The following SGCZ variants were observed in gnomAD, a reference collection of about 807,000 sequenced individuals.
The protein encoded by SGCZ is zeta-sarcoglycan.
SGCZ carries 40 observed loss-of-function variants against 41.3 expected under a neutral mutation model. The observed-to-expected ratio is 0.97, with a 90% CI of 0.75 to 1.26. The LOEUF is 1.26. Ranked by LOEUF, SGCZ falls within the 50% of genes most tolerant of loss-of-function variation. The pLI is 0.00. For synonymous variants in SGCZ, 206 were observed against 137.5 expected (o/e 1.50, Z -3.49); for missense variants, 552 against 369.8 (o/e 1.49, Z -4.04).
chr8:14,623,359 A>C (rs896841754), intron 1 of SGCZ, among the ~76,000 whole-genome samples: 5 of 152,222 alleles, frequency 3.3e-5, no homozygotes, highest in Non-Finnish European at 5.9e-5. Flanking sequence ...TTGTAATTAA[A>C]AGGAACATCT....
intron 2 of SGCZ, among the ~76,000 whole-genome samples, chr8:14,384,165 T>A (rs955567913): frequency 1.3e-5 from 2 of 152,008 alleles, no homozygotes; most frequent in Admixed American, 1.3e-4. Flanking sequence ...CCTTCCTGTG[T>A]CCATGTGTTC....
At chr8:14,592,612 A>T (rs947455644) in intron 1 of SGCZ, among the ~76,000 whole-genome samples, 4 of 152,114 alleles carry the variant, frequency 2.6e-5, no homozygotes, top group Non-Finnish European at 4.4e-5. Flanking sequence ...AAATCTGTAA[A>T]ACCAAACAAA....
intron 1 of SGCZ, among the ~76,000 whole-genome samples, chr8:15,101,833 G>A (rs1440069043): frequency 6.6e-6 from 1 of 152,340 alleles, no homozygotes; most frequent in South Asian, 2.1e-4. Flanking sequence ...GCTGAAGCAG[G>A]AGAATTGCTT....
chr8:14,105,134 T>A (rs2116991801), intron 6 of SGCZ, among the ~76,000 whole-genome samples: 1 of 152,204 alleles, frequency 6.6e-6, no homozygotes, highest in East Asian at 1.9e-4. Flanking sequence ...TTTAGCCTTT[T>A]AAAATATAGA....
intron 1 of SGCZ, among the ~76,000 whole-genome samples, chr8:14,835,323 T>G (rs1274491312): frequency 2.0e-5 from 3 of 152,244 alleles, no homozygotes; most frequent in Non-Finnish European, 4.4e-5. Flanking sequence ...AATATTTTTC[T>G]GTAGTTATAC....
intron 2 of SGCZ, among the ~76,000 whole-genome samples, chr8:14,545,390 A>G (rs1315169317): frequency 6.8e-6 from 1 of 147,766 alleles, no homozygotes; most frequent in Non-Finnish European, 1.5e-5. Flanking sequence ...TATTTCAATT[A>G]TACTTTTGAA....
chr8:14,608,838 G>C (rs1805837607), intron 1 of SGCZ, among the ~76,000 whole-genome samples: 1 of 151,796 alleles, frequency 6.6e-6, no homozygotes. Flanking sequence ...ATCATTTTAA[G>C]CTTTTGAAAA....
At chr8:14,877,276 G>A (rs1804400162) in intron 1 of SGCZ, among the ~76,000 whole-genome samples, 2 of 152,096 alleles carry the variant, frequency 1.3e-5, no homozygotes, top group South Asian at 4.1e-4. Context: ...CCAAGCCAGA[G>A]CCTTTATTAT....
chr8:14,361,172 T>C lies in SGCZ; in HGVS notation c.235-36968A>G, dbSNP rs184097874. Among the ~76,000 whole-genome samples, 208 of 152,300 alleles carry C rather than the reference T, an allele frequency of 1.4e-3. 1 individual carries two copies. Among genetic ancestry groups the C allele is most frequent in the Admixed American group, 2.0e-3 (30 of 15,296 alleles). On this transcript the variant is annotated intron_variant, in intron 2 of 7. Transcript: ENST00000382080. Reference sequence around the variant, plus strand: ...CTGAGTTTTGAACATTCTTTACATATTCCATTTATTGGTCATTTTATCAAA... The same window carrying C: ...CTGAGTTTTGAACATTCTTTACATACTCCATTTATTGGTCATTTTATCAAA...
chr8:14,817,537 G>C (rs1446099033), intron 1 of SGCZ, among the ~76,000 whole-genome samples: 1 of 152,096 alleles, frequency 6.6e-6, no homozygotes, highest in Non-Finnish European at 1.5e-5. Flanking sequence ...CTAGGGATCA[G>C]TTTCAACTGA....
intron 1 of SGCZ, among the ~76,000 whole-genome samples, chr8:14,718,013 A>ATATAT (rs1554487156): frequency 6.6e-6 from 1 of 150,868 alleles, no homozygotes; most frequent in Non-Finnish European, 1.5e-5. Context: ...ATATATATGT[A>ATATAT]ATATGGCTCT....
rs1171344514 is a variant in SGCZ, at chr8:14,085,469, AAAAC to A, written c.*4970_*4973del. Among the ~76,000 whole-genome samples the A allele has an allele frequency of 6.6e-6, 1 of 151,780 alleles. No homozygotes were observed. Among genetic ancestry groups the A allele is most frequent in the East Asian group, 1.9e-4 (1 of 5,152 alleles). On this transcript the variant is annotated 3_prime_UTR_variant, in exon 8 of 8. Coordinates refer to ENST00000382080, the MANE Select transcript of SGCZ (RefSeq NM_139167.4). ...AACAAATGAGATACTAAGACTGAAAAAAACAAAAAATAACTACAGTTCATTATAT... is the reference window on the plus strand; with the variant it reads ...AACAAATGAGATACTAAGACTGAAAAAAAAAATAACTACAGTTCATTATAT...
intron 1 of SGCZ, among the ~76,000 whole-genome samples, chr8:15,190,216 G>A (rs1800486685): frequency 6.6e-6 from 1 of 152,004 alleles, no homozygotes; most frequent in Admixed American, 6.6e-5. Context: ...TATCCCTTAT[G>A]GTAAAGCTTG....
chr8:14,281,748 T>G (rs1191814438), intron 3 of SGCZ, among the ~76,000 whole-genome samples: 2 of 152,020 alleles, frequency 1.3e-5, no homozygotes, highest in African/African-American at 2.4e-5. Flanking sequence ...ACAAAACACA[T>G]AGAGGGGCCT....
At chr8:14,462,218 A>C (rs1183418052) in intron 2 of SGCZ, among the ~76,000 whole-genome samples, 1 of 151,982 alleles carries the variant, frequency 6.6e-6, no homozygotes, top group Non-Finnish European at 1.5e-5. Context: ...ACTTTTGTGA[A>C]GAAGACCTAA....
intron 1 of SGCZ, among the ~76,000 whole-genome samples, chr8:15,055,844 C>T (rs1406711973): frequency 1.3e-5 from 2 of 152,176 alleles, no homozygotes; most frequent in Non-Finnish European, 2.9e-5. Context: ...CTTGGATGTG[C>T]CTCCCCATGC....
chr8:15,102,193 A>G (rs1563126711), intron 1 of SGCZ, among the ~76,000 whole-genome samples: 2 of 152,210 alleles, frequency 1.3e-5, no homozygotes, highest in African/African-American at 4.8e-5. Context: ...AAACTGTGGT[A>G]TATCCATACA....
chr8:14,658,567 G>A (rs1039353537), intron 1 of SGCZ, among the ~76,000 whole-genome samples: 8 of 151,984 alleles, frequency 5.3e-5, no homozygotes, highest in Admixed American at 2.6e-4. Flanking sequence ...ACTTTGGTTC[G>A]CCCACTCCTT....
chr8:15,093,428 T>G (rs941239035), intron 1 of SGCZ, among the ~76,000 whole-genome samples: 2 of 152,222 alleles, frequency 1.3e-5, no homozygotes, highest in African/African-American at 4.8e-5. Flanking sequence ...CCTTCAATAT[T>G]CATATTTTTG....
Sources: allele counts gnomAD v4.1 joint callset (sites outside exome capture counted in the v4.1 genomes callset), GRCh38; gene constraint gnomAD v4.1.1; transcripts MANE v1.5; gene names NCBI Gene and HGNC (gene_info 2026-07-23, HGNC 2026-07-21).